The following INKA2 variants were observed in gnomAD, a reference collection of about 807,000 sequenced individuals.
The protein encoded by INKA2 is PAK4-inhibitor INKA2.
In INKA2, 3 loss-of-function variants were observed where a neutral mutation model predicts 9.8. The observed-to-expected ratio is 0.31, with a 90% CI of 0.14 to 0.79. The LOEUF (loss-of-function observed/expected upper bound fraction) is 0.79. Among genes scored for constraint, INKA2 ranks in the 30% least tolerant of loss-of-function variants. INKA2 has a pLI of 0.62. For missense variants in INKA2, 392 were observed against 384.4 expected (o/e 1.02, Z -0.17); for synonymous variants, 147 against 143.3 (o/e 1.03, Z -0.18).
Position 111,722,780 on chromosome 1 carries a change from T to A in INKA2, c.*4188A>T, listed in dbSNP as rs2101345158. The A allele has an allele frequency of 2.7e-6, 1 of 371,024 alleles. No homozygotes were observed. The highest frequency in any genetic ancestry group is 4.9e-6 in the Non-Finnish European group (1 of 203,642). 23.0% of individuals were successfully genotyped at this position (371,024 alleles called of 1,614,324 possible). A position where few individuals can be genotyped will look rare whatever the true frequency, so the allele number is the denominator to read the frequency against. On this transcript the variant is annotated 3_prime_UTR_variant, in exon 2 of 2. Transcript: ENST00000357260. ...GAGATATTAAATCAATATAAATGTTTCGACAGAAGAAGAGACCAACGCTCA... is the reference window on the plus strand; with the variant it reads ...GAGATATTAAATCAATATAAATGTTACGACAGAAGAAGAGACCAACGCTCA...
chr1:111,734,432 C>A (rs1346246310), intron 1 of INKA2, among the ~76,000 whole-genome samples: 2 of 151,952 alleles, frequency 1.3e-5, no homozygotes, highest in Non-Finnish European at 1.5e-5. Flanking sequence ...CCTTCAGTGT[C>A]TCTTGCCTGA....
chr1:111,733,939 CCCCA>C (rs2101368629), intron 1 of INKA2, among the ~76,000 whole-genome samples: 1 of 152,314 alleles, frequency 6.6e-6, no homozygotes, highest in East Asian at 1.9e-4. Flanking sequence ...GCCTCACTTC[CCCCA>C]CCCCATTACT....
At chr1:111,734,991 C>G (rs1423515265) in intron 1 of INKA2, among the ~76,000 whole-genome samples, 1 of 152,226 alleles carries the variant, frequency 6.6e-6, no homozygotes. Flanking sequence ...CTCCACTTAC[C>G]AGCTCTATGA....
chr1:111,739,205 C>T lies in INKA2; in HGVS notation c.38G>A (p.Arg13His), dbSNP rs1188621345. 6.2e-7 allele frequency: 1 copy of T among 1,613,686 alleles called. No individual in the cohort carries two copies. The highest frequency in any genetic ancestry group is 1.1e-5 in the South Asian group (1 of 91,076). The change falls in exon 1 of 2, where the codon CGT (arginine) becomes CAT (histidine). Residue 13 changes from arginine (R) to histidine (H), a missense_variant. Arg to His is a conservative substitution (Grantham distance 29, BLOSUM62 0). Coordinates refer to ENST00000357260, the MANE Select transcript of INKA2 (RefSeq NM_019099.5). ...MESREMDCYL[R>H]RLKQELMSMK... is the part of the protein sequence containing the mutation. ...TCTTACCAGCTCCTGTTTGAGGCGA[C>T]GGAGATAGCAGTCCATTTCCCTGCT...
chr1:111,730,330 T>A lies in INKA2; in HGVS notation c.58-2526A>T, dbSNP rs1008025936. Among the ~76,000 whole-genome samples, 9 of 152,316 alleles carry A rather than the reference T, an allele frequency of 5.9e-5. No individual in the cohort carries two copies. The Middle Eastern group carries it at 0.01, about 173-fold the overall frequency. ...GTCTTCCCAACTAGAGCCTCAGTCA[T>A]TTTTGGCTTCTCCATTCAACTACCC... is the stretch of plus-strand genomic sequence containing the variant. On this transcript the variant is annotated intron_variant, in intron 1 of 1. Transcript: ENST00000357260.
At chr1:111,755,755 T>C in exon 1 of INKA2, 1 of 1,613,862 alleles carries the variant, frequency 6.2e-7, no homozygotes, top group Non-Finnish European at 8.5e-7. Context: ...GGCCACATTT[T>C]TTGTGTGTCT....
intron 1 of INKA2, among the ~76,000 whole-genome samples, chr1:111,750,094 C>G (rs1157530534): frequency 6.6e-6 from 1 of 152,212 alleles, no homozygotes; most frequent in African/African-American, 2.4e-5. Flanking sequence ...AAACACGCCA[C>G]CTTCCTCCCT....
chr1:111,726,067 T>C lies in INKA2; in HGVS notation c.*901A>G. The C allele has an allele frequency of 2.5e-6, 1 of 398,062 alleles. No individual in the cohort carries two copies. The highest frequency in any genetic ancestry group is 4.4e-6 in the Non-Finnish European group (1 of 225,988). The allele number at this position is 398,062 out of a possible 1,614,324, so 24.7% of individuals were successfully genotyped here. On this transcript the variant is annotated 3_prime_UTR_variant, in exon 2 of 2. Transcript: ENST00000357260. ...GGTGCTAAGAACTGTTGGGGAGGAG[T>C]GTTGGTAACTCCAGGGTCCAGCTTC...
intron 1 of INKA2, among the ~76,000 whole-genome samples, chr1:111,738,721 C>T (rs1557912551): frequency 6.6e-6 from 1 of 152,200 alleles, no homozygotes; most frequent in East Asian, 1.9e-4. Flanking sequence ...TGACCTCGTG[C>T]CCGCGCAGGG....
At position 111,739,379 on chromosome 1, in the gene INKA2, G is replaced by T; in HGVS notation, c.-137C>A. 1 of 1,508,794 alleles carries T rather than the reference G, an allele frequency of 6.6e-7. No homozygotes were observed. Among genetic ancestry groups the T allele is most frequent in the Non-Finnish European group, 8.9e-7 (1 of 1,128,450 alleles). 93.5% of individuals were successfully genotyped at this position (1,508,794 alleles called of 1,614,324 possible). On this transcript the variant is annotated 5_prime_UTR_variant, in exon 1 of 2. Transcript: ENST00000357260. The stretch of plus-strand genomic sequence containing the variant: ...GCGCGGAGCTGAGCCTGCGCTCCGA[G>T]CCCGGGACTCAGAGTCGCTTCCCCA...
chr1:111,733,905 C>A (rs1011762511), intron 1 of INKA2, among the ~76,000 whole-genome samples: 1 of 152,202 alleles, frequency 6.6e-6, no homozygotes, highest in Non-Finnish European at 1.5e-5. Context: ...TCCAGCTTTG[C>A]CCATGAGCCT....
At chr1:111,740,297 A>C, upstream of INKA2, among the ~76,000 whole-genome samples, 1 of 152,172 alleles carries the variant, frequency 6.6e-6, no homozygotes, top group East Asian at 1.9e-4. Context: ...TTTGTTATTC[A>C]AAAGGAGCCG....
At chr1:111,745,697 G>C (rs1302555733) in intron 1 of INKA2, 1 of 152,154 alleles carries the variant, frequency 6.6e-6, no homozygotes, top group African/African-American at 2.4e-5. Context: ...AATGATGGTG[G>C]ATGCAAACTG....
chr1:111,733,737 T>C (rs1293043953), intron 1 of INKA2, among the ~76,000 whole-genome samples: 1 of 152,102 alleles, frequency 6.6e-6, no homozygotes. Flanking sequence ...TTGGGGCTCT[T>C]TGTGGTGAGG....
At chr1:111,745,513 G>T (rs1423183393) in intron 1 of INKA2, 1 of 151,176 alleles carries the variant, frequency 6.6e-6, no homozygotes, top group African/African-American at 2.4e-5. Flanking sequence ...TGTTGCCCAG[G>T]TTGGTCTTGA....
intron 1 of INKA2, among the ~76,000 whole-genome samples, chr1:111,749,421 GGTGTGTGTGTGTGT>G (rs58362318): frequency 6.7e-6 from 1 of 149,992 alleles, no homozygotes; most frequent in Non-Finnish European, 1.5e-5. Context: ...TGTGTGTTGG[GGTGTGTGTGTGTGT>G]GTGTGTGTGT....
chr1:111,749,418 T>TGG lies in INKA2; in HGVS notation n.124+6281_124+6282dup, dbSNP rs34700864. On this transcript the variant is annotated intron_variant and non_coding_transcript_variant, in intron 1 of 1. Coordinates refer to the INKA2 transcript ENST00000444059. ...TGTGAGGTAACTATGCTGTGTGTGT[T>TGG]GGGGTGTGTGTGTGTGTGTGTGTGT... Among the ~76,000 whole-genome samples the TGG allele has an allele frequency of 8.7e-3, 1,179 of 134,768 alleles. 14 individuals carry two copies. The highest frequency in any genetic ancestry group is 0.034 in the African/African-American group (1,125 of 32,852). The allele number at this position is 134,768 out of a possible 152,430, so 88.4% of individuals were successfully genotyped here. A position where few individuals can be genotyped will look rare whatever the true frequency, so the allele number is the denominator to read the frequency against.
chr1:111,734,385 A>T (rs1662971404), intron 1 of INKA2, among the ~76,000 whole-genome samples: 1 of 152,028 alleles, frequency 6.6e-6, no homozygotes. Context: ...AGGGACCTCA[A>T]GAAGTTACCT....
At chr1:111,749,254 C>T (rs540778798) in intron 1 of INKA2, among the ~76,000 whole-genome samples, 37 of 152,238 alleles carry the variant, frequency 2.4e-4, no homozygotes, top group Admixed American at 6.5e-4. Context: ...CTGGGGTCTC[C>T]GGAGCTGGGA....
Sources: allele counts gnomAD v4.1 joint callset (sites outside exome capture counted in the v4.1 genomes callset), GRCh38; gene constraint gnomAD v4.1.1; transcripts MANE v1.5; gene names NCBI Gene and HGNC (gene_info 2026-07-23, HGNC 2026-07-21).